FANCC: variants seen among roughly 807,000 people sequenced by gnomAD.
FANCC encodes Fanconi anemia group C protein.
In FANCC, 55 loss-of-function variants were observed where a neutral mutation model predicts 71.3. The observed-to-expected ratio is 0.77, with a 90% CI of 0.62 to 0.97. The LOEUF is 0.97. FANCC is among the 50% of genes least tolerant of loss of function. FANCC has a pLI of 0.00. For synonymous variants in FANCC, 275 were observed against 244.9 expected, an observed-to-expected ratio of 1.12 and a Z score of -1.15; for missense variants, 678 against 670.9, an observed-to-expected ratio of 1.01 and a Z score of -0.12.
chr9:95,114,694 G>A lies in FANCC; in HGVS notation c.1089C>T (p.His363=), dbSNP rs2134631925. 1.2e-6 allele frequency: 2 copies of A among 1,614,124 alleles called. No homozygotes were observed. The highest frequency in any genetic ancestry group is 4.5e-5 in the East Asian group (2 of 44,888). Residue 363 remains histidine, a synonymous_variant, in exon 12 of 15, where the codon CAC becomes CAT. Transcript: ENST00000289081. Reference sequence around the variant, plus strand: ...AAATATGCTTCAGTGTCTGGAGCCAGTGTCCCCGAGGGATATCTGCGGGTG... The same window carrying A: ...AAATATGCTTCAGTGTCTGGAGCCAATGTCCCCGAGGGATATCTGCGGGTG... ...LQDPQDIPRG[H]WLQTLKHISE...
rs1403906520 is a variant in FANCC at position 95,100,854 on chromosome 9, T to C, written c.*853A>G. ...CCATGTTAGCCAGGCAGTCTGGAAC[T>C]CCTGGGCTGAAGTAATCCCCCTGCC... On this transcript the variant is annotated 3_prime_UTR_variant, in exon 15 of 15. Transcript: ENST00000289081. 3 of 230,668 alleles carry C rather than the reference T, an allele frequency of 1.3e-5. No homozygotes were observed. The highest frequency in any genetic ancestry group is 2.6e-5 in the Non-Finnish European group (3 of 116,508). The allele number at this position is 230,668 out of a possible 1,614,324, so 14.3% of individuals were successfully genotyped here. A position where few individuals can be genotyped will look rare whatever the true frequency, so the allele number is the denominator to read the frequency against.
At chr9:95,262,660 A>G (rs569037421) in intron 1 of FANCC, among the ~76,000 whole-genome samples, 1 of 152,344 alleles carries the variant, frequency 6.6e-6, no homozygotes, top group South Asian at 2.1e-4. Flanking sequence ...TTTCAAAGAG[A>G]TATTTGTACA....
chr9:95,211,971 A>G (rs1828531744), intron 4 of FANCC, among the ~76,000 whole-genome samples: 1 of 152,126 alleles, frequency 6.6e-6, no homozygotes, highest in Non-Finnish European at 1.5e-5. Flanking sequence ...TTCAGGAGAA[A>G]GACTTAAAGA....
intron 1 of FANCC, among the ~76,000 whole-genome samples, chr9:95,309,096 T>C (rs952372077): frequency 1.3e-5 from 2 of 152,214 alleles, no homozygotes; most frequent in Admixed American, 1.3e-4. Context: ...CCATTTCATA[T>C]AAAAATATTT....
At chr9:95,221,929 G>A (rs1375433006) in intron 4 of FANCC, among the ~76,000 whole-genome samples, 1 of 152,036 alleles carries the variant, frequency 6.6e-6, no homozygotes, top group East Asian at 1.9e-4. Context: ...AAACCATTTG[G>A]CAGTTTCTTA....
At chr9:95,107,482 C>G in intron 13 of FANCC, 1 of 625,550 alleles carries the variant, frequency 1.6e-6, no homozygotes, top group Non-Finnish European at 2.9e-6. Flanking sequence ...TCTTGCTCAC[C>G]AAGCAGTCAG....
intron 1 of FANCC, among the ~76,000 whole-genome samples, chr9:95,288,900 A>T (rs938504450): frequency 6.6e-6 from 1 of 152,098 alleles, no homozygotes. Context: ...TTCTGAGACC[A>T]GCTCAGTTAA....
intron 12 of FANCC, chr9:95,114,380 A>C (rs2072220657): frequency 1.8e-6 from 1 of 544,348 alleles, no homozygotes; most frequent in South Asian, 1.9e-5. Flanking sequence ...ACCAGACGTT[A>C]ATGTAGAAAA....
chr9:95,219,264 G>C (rs1299798920), intron 4 of FANCC, among the ~76,000 whole-genome samples: 1 of 152,186 alleles, frequency 6.6e-6, no homozygotes, highest in Non-Finnish European at 1.5e-5. Context: ...TGAAGCAGCA[G>C]GAGTAAGGCT....
intron 6 of FANCC, among the ~76,000 whole-genome samples, chr9:95,158,652 G>T (rs1017908633): frequency 6.6e-6 from 1 of 152,188 alleles, no homozygotes; most frequent in Non-Finnish European, 1.5e-5. Flanking sequence ...AAAGTATTCA[G>T]ATTGTTACCA....
At chr9:95,279,330 G>GA (rs936543965) in intron 1 of FANCC, among the ~76,000 whole-genome samples, 47 of 144,560 alleles carry the variant, frequency 3.3e-4, no homozygotes, top group African/African-American at 6.6e-4. Flanking sequence ...GAAAAAAAAA[G>GA]AAAAAAAAAA....
intron 6 of FANCC, among the ~76,000 whole-genome samples, chr9:95,159,686 C>T (rs1172544692): frequency 1.3e-5 from 2 of 152,204 alleles, no homozygotes; most frequent in Non-Finnish European, 2.9e-5. Context: ...ACATCCTCTC[C>T]AGCACCTGTT....
chr9:95,270,804 G>A (rs947878472), intron 1 of FANCC, among the ~76,000 whole-genome samples: 3 of 152,320 alleles, frequency 2.0e-5, no homozygotes, highest in African/African-American at 7.2e-5. Flanking sequence ...TTGAGATTTA[G>A]TTGACTAATA....
At chr9:95,200,023 T>A (rs1157545144) in intron 4 of FANCC, among the ~76,000 whole-genome samples, 1 of 152,196 alleles carries the variant, frequency 6.6e-6, no homozygotes, top group Admixed American at 6.5e-5. Context: ...ATATTTAAAA[T>A]TTTTCTTTTA....
chr9:95,225,007 C>T (rs1288596740), intron 4 of FANCC, among the ~76,000 whole-genome samples: 3 of 152,154 alleles, frequency 2.0e-5, no homozygotes, highest in South Asian at 4.1e-4. Context: ...TTTATAGAAA[C>T]TCCAATATTG....
intron 1 of FANCC, among the ~76,000 whole-genome samples, chr9:95,267,888 C>T (rs1488748914): frequency 6.6e-6 from 1 of 152,198 alleles, no homozygotes; most frequent in East Asian, 1.9e-4. Context: ...ACTCAGTGCA[C>T]AAGATACTAG....
intron 1 of FANCC, among the ~76,000 whole-genome samples, chr9:95,256,228 G>T (rs1024753400): frequency 6.6e-6 from 1 of 152,238 alleles, no homozygotes; most frequent in Non-Finnish European, 1.5e-5. Flanking sequence ...GCAACCCCAA[G>T]ACATGTAATT....
intron 4 of FANCC, among the ~76,000 whole-genome samples, chr9:95,173,517 C>T (rs999045918): frequency 1.3e-5 from 2 of 152,184 alleles, no homozygotes; most frequent in African/African-American, 4.8e-5. Flanking sequence ...AGGAACTATG[C>T]TCGAAGATGT....
intron 3 of FANCC, among the ~76,000 whole-genome samples, chr9:95,241,908 C>A (rs1335421088): frequency 2.0e-5 from 3 of 152,160 alleles, no homozygotes; most frequent in Non-Finnish European, 4.4e-5. Context: ...GATCCTCCTG[C>A]CATGGCCTCC....
Sources: allele counts gnomAD v4.1 joint callset (sites outside exome capture counted in the v4.1 genomes callset), GRCh38; gene constraint gnomAD v4.1.1; transcripts MANE v1.5; gene names NCBI Gene and HGNC (gene_info 2026-07-23, HGNC 2026-07-21).